The following SLC39A11 variants were observed in gnomAD, a reference collection of about 807,000 sequenced individuals.
SLC39A11 encodes the protein zinc transporter ZIP11.
A neutral mutation model predicts 36.1 loss-of-function variants in SLC39A11; 33 were observed. The ratio of observed to expected loss-of-function variants is 0.91; its 90% CI spans 0.69 to 1.22. SLC39A11 has a LOEUF of 1.22. Among genes scored for constraint, SLC39A11 ranks in the 50% most tolerant of loss-of-function variants. The pLI, the probability that SLC39A11 is intolerant of heterozygous loss-of-function variation, is 0.00. For synonymous variants in SLC39A11, 166 were observed against 170.3 expected, an observed-to-expected ratio of 0.97 and a Z score of 0.20; for missense variants, 432 against 430.3, an observed-to-expected ratio of 1.00 and a Z score of -0.03.
chr17:72,909,870 C>A (rs549945404), intron 5 of SLC39A11, among the ~76,000 whole-genome samples: 1 of 151,706 alleles, frequency 6.6e-6, no homozygotes, highest in Non-Finnish European at 1.5e-5. Flanking sequence ...TTCAGCCTCC[C>A]GAGTAGCTGG....
Position 73,056,740 on chromosome 17 carries a change from C to T in SLC39A11, c.148-25026G>A, listed in dbSNP as rs571849206. Among the ~76,000 whole-genome samples the T allele has an allele frequency of 2.0e-5, 3 of 152,098 alleles. No individual in the cohort carries two copies. The East Asian group carries it at 5.8e-4, about 30-fold the overall frequency. ...GGTTCACCTGGATCCAAGGGGTCTC[C>T]ATGAATCTATCCTCCTATCTACTCC... On this transcript the variant is annotated intron_variant, in intron 3 of 9. Transcript: ENST00000255559.
intron 3 of SLC39A11, among the ~76,000 whole-genome samples, chr17:73,034,518 G>A (rs1032647474): frequency 6.6e-6 from 1 of 152,116 alleles, no homozygotes. Flanking sequence ...CACTGCTACT[G>A]GCCCAATTCT....
chr17:73,058,738 G>T (rs1004593325), intron 3 of SLC39A11, among the ~76,000 whole-genome samples: 1 of 152,082 alleles, frequency 6.6e-6, no homozygotes. Flanking sequence ...AATAAAAAAG[G>T]GTTAATCTTC....
At chr17:72,735,204 T>C (rs879047450) in intron 7 of SLC39A11, among the ~76,000 whole-genome samples, 1 of 152,158 alleles carries the variant, frequency 6.6e-6, no homozygotes, top group African/African-American at 2.4e-5. Context: ...ATGCACATAT[T>C]CGGGGCTTCA....
chr17:72,775,047 G>C (rs1400410223), intron 6 of SLC39A11, among the ~76,000 whole-genome samples: 1 of 151,560 alleles, frequency 6.6e-6, no homozygotes, highest in Non-Finnish European at 1.5e-5. Flanking sequence ...GAAACTCTCT[G>C]ATTTGGAGGG....
chr17:72,659,574 CTTTTTT>C (rs34383683), intron 7 of SLC39A11, among the ~76,000 whole-genome samples: 1 of 61,174 alleles, frequency 1.6e-5, no homozygotes, highest in Non-Finnish European at 2.9e-5. Context: ...CTCTGTGACT[CTTTTTT>C]TTTTTTTTTT....
At chr17:72,919,693 A>G (rs2083542129) in intron 5 of SLC39A11, among the ~76,000 whole-genome samples, 1 of 149,868 alleles carries the variant, frequency 6.7e-6, no homozygotes. Context: ...AAAGAAAAAA[A>G]GAAGGAAACC....
intron 5 of SLC39A11, among the ~76,000 whole-genome samples, chr17:72,921,004 G>A (rs1467272522): frequency 6.6e-6 from 1 of 152,070 alleles, no homozygotes; most frequent in African/African-American, 2.4e-5. Context: ...CTGGAATGTC[G>A]GCTCTCTATG....
chr17:72,835,707 T>C (rs778289883), intron 6 of SLC39A11, among the ~76,000 whole-genome samples: 9 of 152,194 alleles, frequency 5.9e-5, no homozygotes, highest in Non-Finnish European at 1.2e-4. Flanking sequence ...GTGATCTGCA[T>C]GCCTCGGCCT....
chr17:73,010,784 T>C (rs1440102575), intron 4 of SLC39A11, among the ~76,000 whole-genome samples: 1 of 152,206 alleles, frequency 6.6e-6, no homozygotes, highest in East Asian at 1.9e-4. Flanking sequence ...GCGTGTTTAA[T>C]TATCTGTGCT....
At chr17:73,057,708 C>A (rs955731708) in intron 3 of SLC39A11, among the ~76,000 whole-genome samples, 1 of 152,126 alleles carries the variant, frequency 6.6e-6, no homozygotes, top group Non-Finnish European at 1.5e-5. Context: ...GAGGCCGAGG[C>A]GGGCAGATCA....
At position 72,711,477 on chromosome 17, in the gene SLC39A11, C is replaced by CT. The variant is rs201985685; in HGVS notation, c.671+25172dup. 4.1e-4 allele frequency among the ~76,000 whole-genome samples: 62 copies of CT among 152,336 alleles called. 1 individual carries two copies. The East Asian group carries it at 0.011, about 28-fold the overall frequency. On this transcript the variant is annotated intron_variant, in intron 7 of 9. Coordinates refer to ENST00000255559, the MANE Select transcript of SLC39A11 (RefSeq NM_139177.4). Reference sequence around the variant, plus strand: ...GGTAAAGTAGAAATCTAGACACAATCTAAGTCACAGATGACCGTGGTGTCA... The same window carrying CT: ...GGTAAAGTAGAAATCTAGACACAATCTTAAGTCACAGATGACCGTGGTGTCA...
At chr17:72,955,683 AGGGCCCAGCACACGGTCT>A (rs376748831) in intron 4 of SLC39A11, among the ~76,000 whole-genome samples, 39 of 152,118 alleles carry the variant, frequency 2.6e-4, no homozygotes, top group African/African-American at 9.2e-4. Flanking sequence ...CCCTACTGTC[AGGGCCCAGCACACGGTCT>A]GTGTTCAATA....
chr17:72,898,941 T>C (rs1257397042), intron 5 of SLC39A11, among the ~76,000 whole-genome samples: 1 of 152,184 alleles, frequency 6.6e-6, no homozygotes, highest in Non-Finnish European at 1.5e-5. Flanking sequence ...TCGGGGACTA[T>C]GCAAGACTCA....
At chr17:73,088,571 C>T in intron 2 of SLC39A11, 86 bp downstream of exon 2, 1 of 1,101,088 alleles carries the variant, frequency 9.1e-7, no homozygotes, top group Non-Finnish European at 1.4e-6. Context: ...ACTGAAAAGT[C>T]TACAAACCTG....
chr17:73,085,730 G>A (rs1349924385), intron 2 of SLC39A11, among the ~76,000 whole-genome samples: 5 of 151,430 alleles, frequency 3.3e-5, no homozygotes, highest in African/African-American at 1.2e-4. Flanking sequence ...ACCGATGAGA[G>A]GTGAACACTA....
At chr17:73,072,423 G>A (rs887491953) in intron 3 of SLC39A11, 1 of 152,212 alleles carries the variant, frequency 6.6e-6, no homozygotes, top group Non-Finnish European at 1.5e-5. Flanking sequence ...GCTCAACAGA[G>A]CAACAGCATA....
chr17:72,926,106 A>G (rs185064316), intron 5 of SLC39A11, among the ~76,000 whole-genome samples: 2 of 152,374 alleles, frequency 1.3e-5, no homozygotes, highest in East Asian at 3.9e-4. Context: ...GGAAGGAGAC[A>G]TAGAGCTCAA....
intron 3 of SLC39A11, among the ~76,000 whole-genome samples, chr17:73,042,961 C>A (rs1330259005): frequency 6.6e-6 from 1 of 152,112 alleles, no homozygotes; most frequent in African/African-American, 2.4e-5. Context: ...TCTGCCAGAC[C>A]CCAGGGGGTT....
Sources: allele counts gnomAD v4.1 joint callset (sites outside exome capture counted in the v4.1 genomes callset), GRCh38; gene constraint gnomAD v4.1.1; transcripts MANE v1.5; gene names NCBI Gene and HGNC (gene_info 2026-07-23, HGNC 2026-07-21).